FOXN2: variants seen among roughly 807,000 people sequenced by gnomAD.
The protein encoded by FOXN2 is forkhead box protein N2.
Under a neutral mutation model 41.2 loss-of-function variants are expected in FOXN2, and 19 were observed. The observed-to-expected ratio is 0.46, with a 90% CI of 0.32 to 0.68. The LOEUF is 0.68. Among genes scored for constraint, FOXN2 ranks in the 30% least tolerant of loss-of-function variants. FOXN2 has a pLI of 0.03. For synonymous variants in FOXN2, 195 were observed against 176.8 expected (o/e 1.10, Z -0.82); for missense variants, 587 against 509.4 (o/e 1.15, Z -1.47).
At position 48,363,722 on chromosome 2, in the gene FOXN2, A is replaced by G. The variant is rs1371722302; in HGVS notation, c.703+1015A>G. 3.9e-5 allele frequency among the ~76,000 whole-genome samples: 6 copies of G among 152,220 alleles called. No individual in the cohort carries two copies. The East Asian group carries it at 7.7e-4, about 20-fold the overall frequency. The stretch of plus-strand genomic sequence containing the variant: ...CTTTTCTGTGTTTAGATACACAAAT[A>G]CCATTTGTGATACAATTACCTATAG... On this transcript the variant is annotated intron_variant, in intron 5 of 6. Transcript: ENST00000340553.
chr2:48,328,190 G>C (rs1176894920), intron 1 of FOXN2, among the ~76,000 whole-genome samples: 1 of 152,146 alleles, frequency 6.6e-6, no homozygotes, highest in African/African-American at 2.4e-5. Context: ...TTGTCCTTTA[G>C]GACTTTCGCT....
At chr2:48,347,176 T>C (rs1441869959) in intron 3 of FOXN2, among the ~76,000 whole-genome samples, 1 of 151,634 alleles carries the variant, frequency 6.6e-6, no homozygotes, top group Admixed American at 6.6e-5. Flanking sequence ...TCCTGCCTTT[T>C]GTGGGATGAG....
chr2:48,367,719 C>T (rs1362356192), intron 5 of FOXN2, among the ~76,000 whole-genome samples: 1 of 152,202 alleles, frequency 6.6e-6, no homozygotes, highest in Non-Finnish European at 1.5e-5. Flanking sequence ...GACTTATAAC[C>T]TTACTCTCAT....
chr2:48,371,257 G>A (rs989995232), intron 5 of FOXN2, among the ~76,000 whole-genome samples: 2 of 152,100 alleles, frequency 1.3e-5, no homozygotes, highest in East Asian at 1.9e-4. Flanking sequence ...AATTAGCTGA[G>A]TGTGGTGGCA....
In FOXN2 at chr2:48,358,449, T is replaced by C. The variant is rs76105846; in HGVS notation, c.538-598T>C. On this transcript the variant is annotated intron_variant, in intron 3 of 6. Transcript: ENST00000340553. The stretch of plus-strand genomic sequence containing the variant: ...ATTAAATGATTTGCCCAATATCACA[T>C]AGCCAGTCAATAAGTAGTGATCGGG... Among the ~76,000 whole-genome samples the C allele has an allele frequency of 5.6e-3, 857 of 152,290 alleles. 9 individuals are homozygous for C. The highest frequency in any genetic ancestry group is 0.02 in the African/African-American group (823 of 41,562).
At chr2:48,373,393 T>G (rs745373193) in intron 6 of FOXN2, 33 bp downstream of exon 6, 1 of 1,294,790 alleles carries the variant, frequency 7.7e-7, no homozygotes, top group South Asian at 1.3e-5. Context: ...AAAAAAAATT[T>G]TAGTGCCTTT....
intron 5 of FOXN2, among the ~76,000 whole-genome samples, chr2:48,365,637 A>T (rs1672482560): frequency 6.6e-6 from 1 of 152,176 alleles, no homozygotes; most frequent in Non-Finnish European, 1.5e-5. Context: ...AATGACTTGT[A>T]CGTATTATGC....
chr2:48,335,358 G>C (rs1446714484), intron 2 of FOXN2, among the ~76,000 whole-genome samples: 1 of 151,916 alleles, frequency 6.6e-6, no homozygotes, highest in Non-Finnish European at 1.5e-5. Flanking sequence ...CATAATGAAA[G>C]GTAAATCTTA....
chr2:48,321,071 A>G (rs1019570884), intron 1 of FOXN2, among the ~76,000 whole-genome samples: 1 of 152,042 alleles, frequency 6.6e-6, no homozygotes, highest in Non-Finnish European at 1.5e-5. Flanking sequence ...TACAGCATCT[A>G]CTATATTTAT....
chr2:48,343,312 ATAAAT>A lies in FOXN2; in HGVS notation c.-14-2885_-14-2881del, dbSNP rs776736293. Among the ~76,000 whole-genome samples the A allele has an allele frequency of 9.8e-5, 15 of 152,312 alleles. No homozygotes were observed. In the East Asian group the frequency reaches 2.3e-3, roughly 23 times the overall value. On this transcript the variant is annotated intron_variant, in intron 2 of 6. Transcript: ENST00000340553. Reference sequence around the variant, plus strand: ...CTACCATTAAGGATTCATTTCCAAAATAAATTAACTCTTCAAGGCAGTTAGTGCAC... The same window carrying A: ...CTACCATTAAGGATTCATTTCCAAAATAACTCTTCAAGGCAGTTAGTGCAC...
intron 2 of FOXN2, among the ~76,000 whole-genome samples, chr2:48,340,003 C>G (rs751031182): frequency 2.0e-4 from 30 of 152,148 alleles, no homozygotes; most frequent in Admixed American, 1.1e-3. Context: ...CTCAGAATGT[C>G]TTCCATATAA....
chr2:48,357,951 T>C (rs1269747640), intron 3 of FOXN2, among the ~76,000 whole-genome samples: 1 of 152,104 alleles, frequency 6.6e-6, no homozygotes, highest in Non-Finnish European at 1.5e-5. Context: ...AAAATGTTTC[T>C]CCTGATAATC....
At chr2:48,365,658 T>C (rs189770616) in intron 5 of FOXN2, among the ~76,000 whole-genome samples, 1 of 152,346 alleles carries the variant, frequency 6.6e-6, no homozygotes, top group East Asian at 1.9e-4. Context: ...ATCATCTGTC[T>C]AGTGCTACCA....
intron 4 of FOXN2, 52 bp from the exon 5 acceptor site, chr2:48,362,591 A>C (rs1369337448): frequency 6.6e-7 from 1 of 1,526,326 alleles, no homozygotes; most frequent in Non-Finnish European, 9.1e-7. Flanking sequence ...TAGGGGGAAA[A>C]AGTGAAGTAA....
intron 1 of FOXN2, among the ~76,000 whole-genome samples, chr2:48,322,100 C>G (rs1454285686): frequency 6.6e-6 from 1 of 152,090 alleles, no homozygotes; most frequent in East Asian, 1.9e-4. Flanking sequence ...AATGTGCCAC[C>G]ACGCCTAGCT....
chr2:48,341,357 G>GTAGTA (rs1670756584), intron 2 of FOXN2, among the ~76,000 whole-genome samples: 2 of 152,172 alleles, frequency 1.3e-5, no homozygotes, highest in South Asian at 4.1e-4. Context: ...AGATCTTTTT[G>GTAGTA]TAGTAATATT....
Position 48,376,182 on chromosome 2 carries a change from C to G in FOXN2, c.*739C>G, listed in dbSNP as rs1558646164. On this transcript the variant is annotated 3_prime_UTR_variant, in exon 7 of 7. Transcript: ENST00000340553. ...TTTATTGGGGCCTTTTATTCTTTCC[C>G]AAAGTGCTTTGCAAACATTAAGTTT... 1.3e-5 allele frequency: 2 copies of G among 152,044 alleles called. No homozygotes were observed. The highest frequency in any genetic ancestry group is 2.9e-5 in the Non-Finnish European group (2 of 68,000). The allele number at this position is 152,044 out of a possible 1,614,324, so 9.4% of individuals were successfully genotyped here.
At chr2:48,365,342 CA>C (rs563699580) in intron 5 of FOXN2, among the ~76,000 whole-genome samples, 217 of 152,316 alleles carry the variant, frequency 1.4e-3, no homozygotes, top group African/African-American at 5.1e-3. Flanking sequence ...TTACCTACAT[CA>C]GTCAAATGTG....
At chr2:48,368,158 C>T (rs528081433) in intron 5 of FOXN2, among the ~76,000 whole-genome samples, 21 of 152,108 alleles carry the variant, frequency 1.4e-4, no homozygotes, top group African/African-American at 5.1e-4. Context: ...ATGGTGTTGA[C>T]ACGGTTTTGT....
Sources: allele counts gnomAD v4.1 joint callset (sites outside exome capture counted in the v4.1 genomes callset), GRCh38; gene constraint gnomAD v4.1.1; transcripts MANE v1.5; gene names NCBI Gene and HGNC (gene_info 2026-07-23, HGNC 2026-07-21).